The following AFDN variants were observed in gnomAD, a reference collection of about 807,000 sequenced individuals.
AFDN encodes afadin, adherens junction formation factor.
In AFDN, 68 loss-of-function variants were observed where a neutral mutation model predicts 216.6. The observed-to-expected ratio is 0.31, with a 90% confidence interval of 0.26 to 0.38. AFDN has a LOEUF of 0.38. Ranked by LOEUF, AFDN falls within the 10% of genes least tolerant of loss-of-function variation. The probability of loss-of-function intolerance (pLI) is 1.00; values close to 1 mark genes in which losing one functional copy is unlikely to be tolerated. For missense variants in AFDN, 2,136 were observed against 2,342.0 expected, an observed-to-expected ratio of 0.91 and a Z score of 1.82; for synonymous variants, 868 against 853.7, an observed-to-expected ratio of 1.02 and a Z score of -0.29.
At chr6:167,842,313 G>A (rs1781162937) in intron 1 of AFDN, among the ~76,000 whole-genome samples, 1 of 151,410 alleles carries the variant, frequency 6.6e-6, no homozygotes, top group South Asian at 2.1e-4. Flanking sequence ...ATCTCCCTTA[G>A]TTGACTCCAT....
chr6:167,930,276 C>A (rs1287114036), intron 23 of AFDN, among the ~76,000 whole-genome samples: 2 of 152,144 alleles, frequency 1.3e-5, no homozygotes, highest in Admixed American at 6.5e-5. Context: ...GTGGATTTGA[C>A]GCTCATGAAA....
rs753973040 is a variant in AFDN at position 167,965,794 on chromosome 6, C to T, written c.5006C>T (p.Ala1669Val). 15 of 1,561,088 alleles carry T rather than the reference C, an allele frequency of 9.6e-6. No homozygotes were observed. The South Asian group carries it at 1.7e-4, about 18-fold the overall frequency. The stretch of plus-strand genomic sequence containing the variant: ...GAAGGGTATTACAGCCGCCTGGAAG[C>T]CGAGAGGCGCAGACAGCACGACGAG... ...QEEGYYSRLE[A>V]ERRRQHDEAA... The change falls in exon 32 of 34, where the codon GCC (alanine) becomes GTC (valine). Residue 1669 changes from alanine (A) to valine (V), a missense_variant. Ala to Val is a moderately conservative substitution (Grantham distance 64). Around this residue, in one of 8 missense-constraint regions of AFDN, gnomAD observed 981 missense variants for 966.0 expected, o/e 1.02. Transcript: ENST00000683244.
At chr6:167,860,978 A>G (rs951638513) in intron 1 of AFDN, among the ~76,000 whole-genome samples, 1 of 152,164 alleles carries the variant, frequency 6.6e-6, no homozygotes, top group Non-Finnish European at 1.5e-5. Flanking sequence ...GAGCATGGTG[A>G]TGTAGGCAGG....
Position 167,918,922 on chromosome 6 carries a change from T to C in AFDN, c.2897T>C (p.Leu966Pro). 1 of 1,613,724 alleles carries C rather than the reference T, an allele frequency of 6.2e-7. No homozygotes were observed. Among genetic ancestry groups the C allele is most frequent in the Middle Eastern group, 1.6e-4 (1 of 6,062 alleles). The change falls in exon 21 of 34, where the codon CTG becomes CCG. Residue 966 changes from leucine to proline, a missense_variant. Leu to Pro is a moderately conservative substitution (Grantham distance 98). This residue lies in a region of AFDN where 162 missense variants were observed against 182.6 expected (regional missense o/e 0.89). Transcript: ENST00000683244. ...PNGLQEFLDP[L>P]CQRGFCRLIP... ...GGTTTACAAGAATTTTTAGACCCTC[T>C]GTGCCAGAGAGGTAAATTAGTCTAA... is the stretch of plus-strand genomic sequence containing the variant.
At position 167,872,152 on chromosome 6, in the gene AFDN, C is replaced by T. The variant is rs191975425; in HGVS notation, c.415-62C>T. On this transcript the variant is annotated intron_variant, in intron 3 of 33. Coordinates refer to ENST00000683244, the MANE Select transcript of AFDN (RefSeq NM_001386888.1). ...GCATGTGAGATGAAGTTACCTAAGC[C>T]GTAGGCAATTTTATGTGATTCTGCA... 1.0e-4 allele frequency: 153 copies of T among 1,508,786 alleles called. No homozygotes were observed. In the East Asian group the frequency reaches 1.9e-3, roughly 19 times the overall value. The allele number at this position is 1,508,786 out of a possible 1,614,324, so 93.5% of individuals were successfully genotyped here. A position where few individuals can be genotyped will look rare whatever the true frequency, so the allele number is the denominator to read the frequency against.
Position 167,946,746 on chromosome 6 carries a change from G to A in AFDN, c.3398G>A (p.Ser1133Asn). Residue 1133 changes from serine to asparagine, a missense_variant, in exon 27 of 34, where the codon AGT becomes AAT. Around this residue, in one of 8 missense-constraint regions of AFDN, gnomAD observed 981 missense variants for 966.0 expected, o/e 1.02. Coordinates refer to ENST00000683244, the MANE Select transcript of AFDN (RefSeq NM_001386888.1). ...RRGSGKPRPK[S>N]EGFELYNNST... Reference sequence around the variant, plus strand: ...GGCTCAGGTAAACCCCGACCAAAGAGTGAAGGCTTTGAGCTCTATAATAAT... The same window carrying A: ...GGCTCAGGTAAACCCCGACCAAAGAATGAAGGCTTTGAGCTCTATAATAAT... 6.2e-7 allele frequency: 1 copy of A among 1,614,112 alleles called. No homozygotes were observed. Among genetic ancestry groups the A allele is most frequent in the East Asian group, 2.2e-5 (1 of 44,858 alleles).
In AFDN at chr6:167,946,784, G is replaced by C; in HGVS notation, c.3436G>C (p.Gly1146Arg). 1.2e-6 allele frequency: 2 copies of C among 1,613,830 alleles called. No homozygotes were observed. Among genetic ancestry groups the C allele is most frequent in the Non-Finnish European group, 1.7e-6 (2 of 1,179,882 alleles). The stretch of plus-strand genomic sequence containing the variant: ...GCTCTATAATAATTCAACTCAAAAT[G>C]GGTCTCCTGAGAGTCCTCAGCTGCC... ...FELYNNSTQN[G>R]SPESPQLPWA... The change falls in exon 27 of 34, where the codon GGG becomes CGG. Residue 1146 changes from glycine (G) to arginine (R), a missense_variant. Physicochemically the swap from Gly to Arg is moderately radical, Grantham distance 125. Transcript: ENST00000683244.
At chr6:167,832,510 AT>A in intron 1 of AFDN, among the ~76,000 whole-genome samples, 1 of 152,324 alleles carries the variant, frequency 6.6e-6, no homozygotes, top group Non-Finnish European at 1.5e-5. Flanking sequence ...TTCACTAATC[AT>A]TTTGACATAT....
chr6:167,955,301 C>T (rs970758933), intron 30 of AFDN, among the ~76,000 whole-genome samples: 3 of 152,010 alleles, frequency 2.0e-5, no homozygotes, highest in Non-Finnish European at 4.4e-5. Context: ...TTTTCCTTCC[C>T]CCCTCAGTTT....
chr6:167,947,472 C>CA (rs1795454311), intron 27 of AFDN, among the ~76,000 whole-genome samples: 1 of 152,116 alleles, frequency 6.6e-6, no homozygotes, highest in Non-Finnish European at 1.5e-5. Context: ...AGCCACCATG[C>CA]CCAGCCAATA....
Position 167,970,001 on chromosome 6 carries a change from A to C in AFDN, c.*66A>C. The C allele has an allele frequency of 1.5e-6, 2 of 1,323,750 alleles. No homozygotes were observed. 82.0% of individuals were successfully genotyped at this position (1,323,750 alleles called of 1,614,324 possible). A position where few individuals can be genotyped will look rare whatever the true frequency, so the allele number is the denominator to read the frequency against. Reference sequence around the variant, plus strand: ...TTTCAGTTGTGGGTTTGTAGGTGCGAGTTTGAAGAGGAAAAGAGGAAGGGG... The same window carrying C: ...TTTCAGTTGTGGGTTTGTAGGTGCGCGTTTGAAGAGGAAAAGAGGAAGGGG... On this transcript the variant is annotated 3_prime_UTR_variant, in exon 34 of 34. Transcript: ENST00000683244.
In AFDN at chr6:167,951,449, G is replaced by A; in HGVS notation, c.4095G>A (p.Gln1365=). Residue 1365 remains glutamine, a synonymous_variant, in exon 30 of 34, where the codon CAG becomes CAA. Coordinates refer to ENST00000683244, the MANE Select transcript of AFDN (RefSeq NM_001386888.1). This position sits in a 1 kb window ranked among gnomAD's most constrained non-coding sequence, Gnocchi z 7.1. Reference sequence around the variant, plus strand: ...CGGCCACCCCTGTGGCCGTCTCCCAGCCAATCCGAACAGACCTGCCTCCGC... The same window carrying A: ...CGGCCACCCCTGTGGCCGTCTCCCAACCAATCCGAACAGACCTGCCTCCGC... ...AIPATPVAVS[Q]PIRTDLPPPP... is the part of the protein sequence containing the mutation. The A allele has an allele frequency of 6.2e-7, 1 of 1,614,084 alleles. No homozygotes were observed. The highest frequency in any genetic ancestry group is 8.5e-7 in the Non-Finnish European group (1 of 1,180,012).
chr6:167,911,772 T>C (rs980269595), intron 15 of AFDN: 3 of 417,466 alleles, frequency 7.2e-6, no homozygotes, highest in Non-Finnish European at 1.3e-5. Flanking sequence ...GTAGAATTTT[T>C]TCTGTAAATA....
In AFDN at chr6:167,965,160, T is replaced by C. The variant is rs186228464; in HGVS notation, c.4969-597T>C. 4.8e-3 allele frequency: 3,924 copies of C among 810,372 alleles called. 17 individuals carry two copies. The highest frequency in any genetic ancestry group is 0.018 in the Middle Eastern group (31 of 1,714). 50.2% of individuals were successfully genotyped at this position (810,372 alleles called of 1,614,324 possible). A position where few individuals can be genotyped will look rare whatever the true frequency, so the allele number is the denominator to read the frequency against. On this transcript the variant is annotated intron_variant, in intron 31 of 33. Transcript: ENST00000683244. ...GGGAGAATGAGTGTTTTTTTTTTTT[T>C]CTTCATTTCTGGTTTCCTGTTAATC...
At position 167,918,778 on chromosome 6, in the gene AFDN, A is replaced by G; in HGVS notation, c.2753A>G (p.Asp918Gly). Reference protein sequence around the residue: ...NVVTVAENTADELARSDGREV... With the variant: ...NVVTVAENTAGELARSDGREV... Reference sequence around the variant, plus strand: ...GTGACTGTGGCTGAAAACACTGCCGATGAGCTGGCCCGCAGTGATGGAAGG... The same window carrying G: ...GTGACTGTGGCTGAAAACACTGCCGGTGAGCTGGCCCGCAGTGATGGAAGG... The change falls in exon 21 of 34, where the codon GAT becomes GGT. Residue 918 changes from aspartate to glycine, a missense_variant. By Grantham distance (94) the Asp-to-Gly change is moderately conservative. Transcript: ENST00000683244. The G allele has an allele frequency of 1.2e-6, 2 of 1,614,136 alleles. No individual in the cohort carries two copies. The highest frequency in any genetic ancestry group is 1.7e-6 in the Non-Finnish European group (2 of 1,179,982).
intron 4 of AFDN, 62 bp downstream of exon 4, chr6:167,872,439 C>T (rs1489043199): frequency 1.3e-6 from 2 of 1,519,552 alleles, no homozygotes; most frequent in African/African-American, 1.4e-5. Flanking sequence ...TTTTGTTGCA[C>T]CAAAATTGTT....
intron 9 of AFDN, 75 bp from the exon 10 acceptor site, chr6:167,896,803 C>G: frequency 1.1e-6 from 1 of 880,954 alleles, no homozygotes; most frequent in Admixed American, 2.0e-5. Context: ...CTGAGATAAC[C>G]TTTTGTTTGT....
intron 1 of AFDN, among the ~76,000 whole-genome samples, chr6:167,833,461 C>A (rs1295985183): frequency 6.6e-6 from 1 of 152,136 alleles, no homozygotes; most frequent in Non-Finnish European, 1.5e-5. Context: ...CTAGCAAGTT[C>A]TCTTGCTTGA....
At chr6:167,841,961 C>G (rs923706029) in intron 1 of AFDN, among the ~76,000 whole-genome samples, 1 of 151,698 alleles carries the variant, frequency 6.6e-6, no homozygotes, top group Non-Finnish European at 1.5e-5. Flanking sequence ...TTGGGCTTTT[C>G]TCTTCTGTTA....
Sources: allele counts gnomAD v4.1 joint callset (sites outside exome capture counted in the v4.1 genomes callset), GRCh38; gene constraint gnomAD v4.1.1; regional missense constraint gnomAD v4.1.1; non-coding constraint Gnocchi (gnomAD v3.1); transcripts MANE v1.5; gene names NCBI Gene and HGNC (gene_info 2026-07-23, HGNC 2026-07-21).